CCDC14: variants seen among roughly 807,000 people sequenced by gnomAD.
CCDC14 encodes the protein coiled-coil domain-containing protein 14.
A neutral mutation model predicts 81.4 loss-of-function variants in CCDC14; 71 were observed. The ratio of observed to expected loss-of-function variants is 0.87; its 90% CI spans 0.72 to 1.06. The LOEUF (loss-of-function observed/expected upper bound fraction) is 1.06, where lower values mean the gene tolerates loss of function less well. CCDC14 is among the 50% of genes least tolerant of loss of function. CCDC14 has a pLI of 0.00. For missense variants in CCDC14, 1,046 were observed against 1,047.3 expected (o/e 1.00, Z 0.02); for synonymous variants, 332 against 364.8 (o/e 0.91, Z 1.03).
At chr3:123,899,151 C>T (rs1373763767) in intron 5 of CCDC14, among the ~76,000 whole-genome samples, 2 of 152,104 alleles carry the variant, frequency 1.3e-5, no homozygotes, top group Admixed American at 1.3e-4. Context: ...GCTTTTCTGA[C>T]TTTAAGATGT....
At chr3:123,886,714 T>A in the CCDC14 span, among the ~76,000 whole-genome samples, 7 of 152,178 alleles carry the variant, frequency 4.6e-5, no homozygotes, top group African/African-American at 1.7e-4. Context: ...TAGTTTCTTT[T>A]GTTGAAATTT....
chr3:123,949,179 A>C lies in CCDC14; in HGVS notation c.353-47T>G. ...GTTCTTGAAATATGATTCTTCAAAA[A>C]CTTTTACCGTAAGATTTTAAGAGAA... is the stretch of plus-strand genomic sequence containing the variant. On this transcript the variant is annotated intron_variant, in intron 5 of 12. Transcript: ENST00000409697. 3 of 1,198,254 alleles carry C rather than the reference A, an allele frequency of 2.5e-6. No individual in the cohort carries two copies. The East Asian group carries it at 7.6e-5, about 30-fold the overall frequency. 74.2% of individuals were successfully genotyped at this position (1,198,254 alleles called of 1,614,324 possible). A position where few individuals can be genotyped will look rare whatever the true frequency, so the allele number is the denominator to read the frequency against.
intron 12 of CCDC14, among the ~76,000 whole-genome samples, chr3:123,917,066 A>T (rs1049652118): frequency 1.3e-5 from 2 of 151,488 alleles, no homozygotes; most frequent in East Asian, 4.0e-4. Flanking sequence ...GATGGTCTCG[A>T]TCTCCTGACC....
At chr3:123,910,239 A>C (rs899050527), downstream of CCDC14, among the ~76,000 whole-genome samples, 10 of 152,306 alleles carry the variant, frequency 6.6e-5, no homozygotes, top group Admixed American at 3.9e-4. Context: ...TACAGCCCTA[A>C]TATGATCTGC....
At chr3:123,952,679 C>T (rs1170163578) in intron 5 of CCDC14, 5 of 496,100 alleles carry the variant, frequency 1.0e-5, no homozygotes, top group Non-Finnish European at 2.1e-5. Context: ...GGCCACTCCC[C>T]AGAAGACAGT....
chr3:123,897,021 A>G (rs2034075463), downstream of CCDC14, among the ~76,000 whole-genome samples: 1 of 152,108 alleles, frequency 6.6e-6, no homozygotes, highest in Non-Finnish European at 1.5e-5. Flanking sequence ...CCCACCTCCC[A>G]CCTGCATTTA....
intron 12 of CCDC14, among the ~76,000 whole-genome samples, chr3:123,919,061 G>A (rs562630378): frequency 4.1e-4 from 63 of 152,034 alleles, no homozygotes; most frequent in Admixed American, 9.8e-4. Flanking sequence ...CTGAGAGGGC[G>A]AGCGGTAACC....
chr3:123,885,943 A>G, the CCDC14 span, among the ~76,000 whole-genome samples: 1 of 152,062 alleles, frequency 6.6e-6, no homozygotes, highest in African/African-American at 2.4e-5. Context: ...CTTTTTTTTA[A>G]AAAAATTACC....
At position 123,928,033 on chromosome 3, in the gene CCDC14, G is replaced by C. The variant is rs762413333; in HGVS notation, c.1778+3069C>G. On this transcript the variant is annotated intron_variant, in intron 12 of 12. Coordinates refer to ENST00000409697, the MANE Select transcript of CCDC14 (RefSeq NM_001366335.1). ...TGGTCCTAGTTCAGACACTAGCTGT[G>C]AAAGTCAGGTAAGTCCCTTTTTTCT... 2.0e-5 allele frequency among the ~76,000 whole-genome samples: 3 copies of C among 152,140 alleles called. No homozygotes were observed. In the South Asian group the frequency reaches 6.2e-4, roughly 31 times the overall value.
chr3:123,912,982 T>C (rs3732484), downstream of CCDC14, among the ~76,000 whole-genome samples: 11,020 of 152,240 alleles, frequency 0.072, 1,167 homozygotes, highest in East Asian at 0.42. Context: ...GGGGGAAACA[T>C]TTAAGGCTGT....
Position 123,913,480 on chromosome 3 carries a change from T to C in CCDC14, c.*1299A>G. The C allele has an allele frequency of 1.0e-6, 1 of 981,056 alleles. No individual in the cohort carries two copies. The allele number at this position is 981,056 out of a possible 1,614,324, so 60.8% of individuals were successfully genotyped here. A position where few individuals can be genotyped will look rare whatever the true frequency, so the allele number is the denominator to read the frequency against. On this transcript the variant is annotated 3_prime_UTR_variant, in exon 13 of 13. Coordinates refer to ENST00000409697, the MANE Select transcript of CCDC14 (RefSeq NM_001366335.1). ...ACTTATTTGTTAAAGAGTTGTGGCC[T>C]ATTACCTCCAAATAAGATGCCAATA...
At chr3:123,896,378 A>G (rs2034063027), downstream of CCDC14, among the ~76,000 whole-genome samples, 1 of 152,252 alleles carries the variant, frequency 6.6e-6, no homozygotes, top group African/African-American at 2.4e-5. Flanking sequence ...CCTTTTATTT[A>G]TAAATTACCC....
downstream of CCDC14, among the ~76,000 whole-genome samples, chr3:123,908,456 C>T (rs887947841): frequency 2.0e-5 from 3 of 152,148 alleles, no homozygotes; most frequent in Admixed American, 1.3e-4. Flanking sequence ...CACTAGGTCA[C>T]CTGACTCTTG....
rs1434883960 is a variant in CCDC14, at chr3:123,915,268, T to C, written c.2229A>G (p.Ser743=). 1 of 1,613,858 alleles carries C rather than the reference T, an allele frequency of 6.2e-7. No homozygotes were observed. Among genetic ancestry groups the C allele is most frequent in the Admixed American group, 1.7e-5 (1 of 60,008 alleles). The change falls in exon 13 of 13, where the codon TCA becomes TCG. Residue 743 remains serine (S), a synonymous_variant. Transcript: ENST00000409697. ...PFARSTPEKK[S]PLSKRLSPQP... The stretch of plus-strand genomic sequence containing the variant: ...GAGGGGATAGTCTCTTAGAAAGTGG[T>C]GATTTCTTTTCAGGAGTGCTTCTAG...
At chr3:123,897,457 AAGG>A (rs2034087433), downstream of CCDC14, 1 of 199,682 alleles carries the variant, frequency 5.0e-6, no homozygotes, top group East Asian at 1.5e-4. Context: ...CCCAGATTCC[AAGG>A]AGGTGACTGA....
At chr3:123,925,696 A>G (rs991583406) in intron 12 of CCDC14, among the ~76,000 whole-genome samples, 5 of 152,162 alleles carry the variant, frequency 3.3e-5, no homozygotes, top group Non-Finnish European at 7.4e-5. Flanking sequence ...TTGGCCTCCC[A>G]AAGTGTTAGG....
chr3:123,916,533 A>G (rs1324070628), intron 12 of CCDC14, among the ~76,000 whole-genome samples: 1 of 149,546 alleles, frequency 6.7e-6, no homozygotes, highest in Non-Finnish European at 1.5e-5. Flanking sequence ...GATAGAGATA[A>G]TTATCTGGCA....
intron 9 of CCDC14, among the ~76,000 whole-genome samples, chr3:123,937,006 G>A (rs2036092755): frequency 6.6e-6 from 1 of 151,962 alleles, no homozygotes; most frequent in East Asian, 1.9e-4. Context: ...ACTCAACATA[G>A]TAATTTTGGG....
rs150577406 is a variant in CCDC14, at chr3:123,931,188, T to C, written c.1692A>G (p.Leu564=). 3 of 1,612,680 alleles carry C rather than the reference T, an allele frequency of 1.9e-6. No homozygotes were observed. Among genetic ancestry groups the C allele is most frequent in the African/African-American group, 1.3e-5 (1 of 74,864 alleles). ...TCTGGTTTTCCTTTTCAGCAGTTTC[T>C]AACTTAAACTGGGAGCTTTTCACAT... ...LVNVKSSQFK[L]ETAEKENQIL... is the part of the protein sequence containing the mutation. The change falls in exon 12 of 13, where the codon TTA becomes TTG. Residue 564 remains leucine (L), a synonymous_variant. Transcript: ENST00000409697.
Sources: gnomAD v4.1 joint callset for allele counts (sites outside exome capture counted in the v4.1 genomes callset) on GRCh38, gnomAD v4.1.1 for gene constraint, MANE v1.5 for transcripts, NCBI Gene and HGNC (gene_info 2026-07-23, HGNC 2026-07-21) for gene names.